The following HS3ST4 variants were observed in gnomAD, a reference collection of about 807,000 sequenced individuals.
The protein encoded by HS3ST4 is heparan sulfate-glucosamine 3-sulfotransferase 4, also known as heparan sulfate glucosamine 3-O-sulfotransferase 4.
HS3ST4 carries 17 observed loss-of-function variants against 29.2 expected under a neutral mutation model. That is an observed-to-expected ratio of 0.58 (90% CI 0.40 to 0.87). The LOEUF (loss-of-function observed/expected upper bound fraction) is 0.87. Among genes scored for constraint, HS3ST4 ranks in the 40% least tolerant of loss-of-function variants. The pLI is 0.00. For missense variants in HS3ST4, 627 were observed against 634.5 expected, an observed-to-expected ratio of 0.99 and a Z score of 0.13; for synonymous variants, 314 against 285.7, an observed-to-expected ratio of 1.10 and a Z score of -1.00.
chr16:25,818,537 A>G (rs1043443596), intron 1 of HS3ST4, among the ~76,000 whole-genome samples: 1 of 152,210 alleles, frequency 6.6e-6, no homozygotes, highest in Non-Finnish European at 1.5e-5. Flanking sequence ...GTTGCAAAAC[A>G]TCTTCTTTTT....
intron 1 of HS3ST4, among the ~76,000 whole-genome samples, chr16:26,111,665 T>G (rs1216286649): frequency 1.3e-5 from 2 of 152,312 alleles, no homozygotes; most frequent in Middle Eastern, 3.4e-3. Flanking sequence ...TCTTTTAAAC[T>G]GAACACATAG....
At chr16:26,018,558 T>C (rs1969382323) in intron 1 of HS3ST4, among the ~76,000 whole-genome samples, 1 of 152,184 alleles carries the variant, frequency 6.6e-6, no homozygotes, top group South Asian at 2.1e-4. Flanking sequence ...GACTTTGTTT[T>C]ACACATGAGA....
chr16:26,089,394 G>C lies in HS3ST4; in HGVS notation c.735-46218G>C, dbSNP rs1037335464. 2.6e-5 allele frequency among the ~76,000 whole-genome samples: 4 copies of C among 152,276 alleles called. No individual in the cohort carries two copies. The East Asian group carries it at 7.7e-4, about 29-fold the overall frequency. On this transcript the variant is annotated intron_variant, in intron 1 of 1. Coordinates refer to ENST00000331351, the MANE Select transcript of HS3ST4 (RefSeq NM_006040.3). Reference sequence around the variant, plus strand: ...GCATGTATCCAGCTTGATTTTTGCAGTCCATTGTCAGAACTGGTGGAGAAG... The same window carrying C: ...GCATGTATCCAGCTTGATTTTTGCACTCCATTGTCAGAACTGGTGGAGAAG...
chr16:25,955,409 C>G (rs761398381), intron 1 of HS3ST4, among the ~76,000 whole-genome samples: 8 of 152,118 alleles, frequency 5.3e-5, no homozygotes, highest in Admixed American at 2.0e-4. Flanking sequence ...TACCTTTTTT[C>G]TTAGTGCAAG....
At chr16:25,988,133 T>C (rs1435462677) in intron 1 of HS3ST4, among the ~76,000 whole-genome samples, 1 of 152,192 alleles carries the variant, frequency 6.6e-6, no homozygotes, top group Non-Finnish European at 1.5e-5. Context: ...GGCTGCCGGC[T>C]AATTCATCTG....
At chr16:26,051,745 TGTTTTCC>T (rs916935926) in intron 1 of HS3ST4, among the ~76,000 whole-genome samples, 1 of 151,404 alleles carries the variant, frequency 6.6e-6, no homozygotes, top group African/African-American at 2.4e-5. Context: ...CTCTGTTTTC[TGTTTTCC>T]CTCCTTCCTC....
intron 1 of HS3ST4, among the ~76,000 whole-genome samples, chr16:25,719,725 C>A (rs998847092): frequency 6.6e-6 from 1 of 152,156 alleles, no homozygotes; most frequent in Non-Finnish European, 1.5e-5. Flanking sequence ...CTTCAGGCAG[C>A]CCTTAACTTT....
intron 1 of HS3ST4, among the ~76,000 whole-genome samples, chr16:26,071,192 T>C (rs375188795): frequency 6.8e-4 from 104 of 152,306 alleles, no homozygotes; most frequent in African/African-American, 2.4e-3. Context: ...ATGCAATTCT[T>C]TGTGATGCGA....
rs796416667 is a variant in HS3ST4, at chr16:25,759,904, GA to G, written c.734+66762del. 2.7e-3 allele frequency among the ~76,000 whole-genome samples: 399 copies of G among 150,094 alleles called. 2 individuals are homozygous for G. Among genetic ancestry groups the G allele is most frequent in the African/African-American group, 9.0e-3 (368 of 40,934 alleles). On this transcript the variant is annotated intron_variant, in intron 1 of 1. Transcript: ENST00000331351. ...GACCCTGTCTTAAAAATAATAAAGA[GA>G]AAAAAAAAGGAAATAGCCACAGAAC... is the stretch of plus-strand genomic sequence containing the variant.
intron 1 of HS3ST4, among the ~76,000 whole-genome samples, chr16:25,751,995 C>G (rs1316839097): frequency 7.3e-6 from 1 of 137,542 alleles, no homozygotes; most frequent in Non-Finnish European, 1.5e-5. Flanking sequence ...GCTTCCATTT[C>G]CCTTTTTTTT....
chr16:25,720,303 C>T (rs1238976751), intron 1 of HS3ST4, among the ~76,000 whole-genome samples: 1 of 152,128 alleles, frequency 6.6e-6, no homozygotes, highest in Non-Finnish European at 1.5e-5. Flanking sequence ...AGAGTTAAGA[C>T]ATGAAGTCAG....
At chr16:26,123,115 G>A (rs1184768820) in intron 1 of HS3ST4, among the ~76,000 whole-genome samples, 1 of 151,904 alleles carries the variant, frequency 6.6e-6, no homozygotes, top group East Asian at 1.9e-4. Flanking sequence ...GAGCAGATGG[G>A]GCTGTTTGTA....
intron 1 of HS3ST4, among the ~76,000 whole-genome samples, chr16:25,906,296 TCTC>T (rs1178543629): frequency 1.3e-5 from 2 of 152,324 alleles, no homozygotes; most frequent in East Asian, 3.9e-4. Flanking sequence ...CTTCATAAGT[TCTC>T]CTGAAAAGTG....
chr16:25,737,638 G>A (rs1390555146), intron 1 of HS3ST4, among the ~76,000 whole-genome samples: 1 of 152,108 alleles, frequency 6.6e-6, no homozygotes, highest in Non-Finnish European at 1.5e-5. Flanking sequence ...TGGGTACAAT[G>A]TACATTACTT....
chr16:26,012,413 G>T (rs1011648957), intron 1 of HS3ST4, among the ~76,000 whole-genome samples: 7 of 152,198 alleles, frequency 4.6e-5, no homozygotes, highest in Admixed American at 1.3e-4. Flanking sequence ...GAGAAGACCC[G>T]ATCAGTAGAG....
chr16:26,012,309 C>T (rs182748188), intron 1 of HS3ST4, among the ~76,000 whole-genome samples: 266 of 152,116 alleles, frequency 1.7e-3, no homozygotes, highest in Middle Eastern at 3.4e-3. Flanking sequence ...GCAATAATAT[C>T]AAAAAGAAAG....
chr16:25,776,858 A>G (rs1966847949), intron 1 of HS3ST4, among the ~76,000 whole-genome samples: 1 of 152,226 alleles, frequency 6.6e-6, no homozygotes, highest in Non-Finnish European at 1.5e-5. Flanking sequence ...GTTTCTACAT[A>G]TCTTGGAGAC....
At chr16:25,726,989 A>G (rs1219271379) in intron 1 of HS3ST4, among the ~76,000 whole-genome samples, 1 of 151,982 alleles carries the variant, frequency 6.6e-6, no homozygotes, top group Non-Finnish European at 1.5e-5. Flanking sequence ...GCAACCCCAC[A>G]TGGCACAATT....
intron 1 of HS3ST4, among the ~76,000 whole-genome samples, chr16:25,871,329 T>C (rs1268785078): frequency 2.0e-5 from 3 of 152,158 alleles, no homozygotes; most frequent in African/African-American, 7.2e-5. Context: ...CTGCCCATCA[T>C]TATTCTTCTA....
Sources: allele counts gnomAD v4.1 joint callset (sites outside exome capture counted in the v4.1 genomes callset), GRCh38; gene constraint gnomAD v4.1.1; transcripts MANE v1.5; gene names NCBI Gene and HGNC (gene_info 2026-07-23, HGNC 2026-07-21).